PBK: variants seen among roughly 807,000 people sequenced by gnomAD.
PBK encodes lymphokine-activated killer T-cell-originated protein kinase.
Under a neutral mutation model 33.5 loss-of-function variants are expected in PBK, and 22 were observed. The observed-to-expected ratio is 0.66, with a 90% confidence interval of 0.47 to 0.94. The LOEUF is 0.94. Among genes scored for constraint, PBK ranks in the 40% least tolerant of loss-of-function variants. The pLI is 0.00. For missense variants in PBK, 376 were observed against 383.4 expected (o/e 0.98, Z 0.16); for synonymous variants, 129 against 123.8 (o/e 1.04, Z -0.28).
intron 2 of PBK, among the ~76,000 whole-genome samples, chr8:27,828,540 G>A (rs1806069625): frequency 1.3e-5 from 2 of 152,052 alleles, no homozygotes; most frequent in Non-Finnish European, 2.9e-5. Context: ...CGGGGCAGGA[G>A]GGTCACTTGA....
chr8:27,822,806 T>C (rs949835266), intron 4 of PBK, among the ~76,000 whole-genome samples: 1 of 152,192 alleles, frequency 6.6e-6, no homozygotes, highest in Non-Finnish European at 1.5e-5. Context: ...TAAATGAAGA[T>C]CATTTTATAT....
chr8:27,811,550 T>C (rs1805684530), intron 6 of PBK, among the ~76,000 whole-genome samples: 1 of 152,044 alleles, frequency 6.6e-6, no homozygotes, highest in South Asian at 2.1e-4. Flanking sequence ...TTTCTATGCT[T>C]CCATGATTGC....
intron 6 of PBK, among the ~76,000 whole-genome samples, chr8:27,819,193 G>A (rs1805873840): frequency 6.6e-6 from 1 of 152,036 alleles, no homozygotes; most frequent in Admixed American, 6.5e-5. Context: ...TCCTCAAAGA[G>A]GAACTTCAGA....
At chr8:27,822,009 C>T in intron 5 of PBK, among the ~76,000 whole-genome samples, 1 of 152,116 alleles carries the variant, frequency 6.6e-6, no homozygotes. Flanking sequence ...GAGAACTGGG[C>T]TATATATACC....
intron 6 of PBK, among the ~76,000 whole-genome samples, chr8:27,813,257 G>A (rs985567753): frequency 2.0e-5 from 3 of 152,070 alleles, no homozygotes; most frequent in Non-Finnish European, 4.4e-5. Context: ...TCATAGGTGG[G>A]AACTGAACAA....
Position 27,811,069 on chromosome 8 carries a change from TCTC to T in PBK, c.658_660del (p.Glu220del), listed in dbSNP as rs1585419314. ...TCTGCCTTGTCAGTAATAACACCAT[TCTC>T]CTCCACAGCTTCTTTGGGTTTCCAT... On this transcript the variant is annotated inframe_deletion, in exon 7 of 8. Coordinates refer to ENST00000301905, the MANE Select transcript of PBK (RefSeq NM_018492.4). The T allele has an allele frequency of 1.2e-6, 2 of 1,613,112 alleles. No homozygotes were observed. Among genetic ancestry groups the T allele is most frequent in the African/African-American group, 1.3e-5 (1 of 75,010 alleles).
intron 1 of PBK, among the ~76,000 whole-genome samples, chr8:27,833,711 C>T (rs993931094): frequency 5.8e-5 from 6 of 104,042 alleles, no homozygotes; most frequent in Non-Finnish European, 1.2e-4. Context: ...ATGCACTTAG[C>T]TAAAAAAAAA....
At position 27,811,032 on chromosome 8, in the gene PBK, A is replaced by G; in HGVS notation, c.698T>C (p.Phe233Ser). The G allele has an allele frequency of 6.2e-7, 1 of 1,613,180 alleles. No individual in the cohort carries two copies. Among genetic ancestry groups the G allele is most frequent in the Non-Finnish European group, 8.5e-7 (1 of 1,179,134 alleles). ...CATCATTTCCCACAAAGTAAGGCCA[A>G]AGGCAAATATGTCTGCCTTGTCAGT... ...VITDKADIFAFGLTLWEMMTL... is the reference protein window; with the variant it reads ...VITDKADIFASGLTLWEMMTL... Residue 233 changes from phenylalanine to serine, a missense_variant, in exon 7 of 8, where the codon TTT becomes TCT. Physicochemically the swap from Phe to Ser is radical, Grantham distance 155 (BLOSUM62 -2). Transcript: ENST00000301905.
intron 3 of PBK, among the ~76,000 whole-genome samples, chr8:27,825,785 T>C (rs1054186250): frequency 3.9e-5 from 6 of 152,118 alleles, no homozygotes; most frequent in Non-Finnish European, 8.8e-5. Context: ...CTCAATAGAA[T>C]TGTTGAAAGA....
intron 3 of PBK, among the ~76,000 whole-genome samples, chr8:27,824,332 T>G (rs1805987077): frequency 6.6e-6 from 1 of 152,138 alleles, no homozygotes; most frequent in South Asian, 2.1e-4. Context: ...TATTCTAATC[T>G]ATCGAATAAG....
intron 5 of PBK, 130 bp from the exon 6 acceptor site, chr8:27,820,824 ATTT>A (rs71553893): frequency 1.5e-4 from 58 of 385,368 alleles, no homozygotes; most frequent in Non-Finnish European, 1.8e-4. Context: ...GCGTTTCAAA[ATTT>A]TTTTTTTTTT....
chr8:27,816,543 A>AT (rs540837838), intron 6 of PBK, among the ~76,000 whole-genome samples: 185 of 151,224 alleles, frequency 1.2e-3, no homozygotes, highest in African/African-American at 4.3e-3. Flanking sequence ...CGCCTGGTTA[A>AT]TTTTTTGTAT....
chr8:27,815,871 C>A (rs1563489080), intron 6 of PBK, among the ~76,000 whole-genome samples: 4 of 152,106 alleles, frequency 2.6e-5, no homozygotes, highest in African/African-American at 9.7e-5. Context: ...GGGTTTGCTC[C>A]CTGTGAAGAT....
At chr8:27,816,284 T>C (rs1397911448) in intron 6 of PBK, among the ~76,000 whole-genome samples, 1 of 151,416 alleles carries the variant, frequency 6.6e-6, no homozygotes, top group Non-Finnish European at 1.5e-5. Flanking sequence ...GTATATAGTA[T>C]TAATATTTGC....
rs551332786 is a variant in PBK at position 27,818,413 on chromosome 8, C to T, written c.595+2152G>A. ...AGGATATTTCAGTGGACAAGATATA[C>T]AAGGTTCCCTTCTTAGAGCTTACAA... On this transcript the variant is annotated intron_variant, in intron 6 of 7. Coordinates refer to ENST00000301905, the MANE Select transcript of PBK (RefSeq NM_018492.4). Among the ~76,000 whole-genome samples, 4 of 152,298 alleles carry T rather than the reference C, an allele frequency of 2.6e-5. No individual in the cohort carries two copies. The South Asian group carries it at 8.3e-4, about 32-fold the overall frequency.
chr8:27,822,987 C>A, intron 4 of PBK, 76 bp downstream of exon 4: 1 of 884,764 alleles, frequency 1.1e-6, no homozygotes, highest in Non-Finnish European at 1.8e-6. Context: ...TTAGTGAAAC[C>A]AGTTAAGAGA....
chr8:27,810,288 T>G lies in PBK; in HGVS notation c.*17A>C, dbSNP rs1805646010. Reference sequence around the variant, plus strand: ...AAACAGTTATTTACGCAAGCCACACTTCAGCTGAGATGATCACTAGACATC... The same window carrying G: ...AAACAGTTATTTACGCAAGCCACACGTCAGCTGAGATGATCACTAGACATC... On this transcript the variant is annotated 3_prime_UTR_variant, in exon 8 of 8. Coordinates refer to ENST00000301905, the MANE Select transcript of PBK (RefSeq NM_018492.4). 1 of 1,570,858 alleles carries G rather than the reference T, an allele frequency of 6.4e-7. No individual in the cohort carries two copies. Among genetic ancestry groups the G allele is most frequent in the Non-Finnish European group, 8.8e-7 (1 of 1,142,554 alleles).
intron 3 of PBK, among the ~76,000 whole-genome samples, chr8:27,826,668 C>T (rs1211666754): frequency 1.4e-5 from 2 of 141,158 alleles, no homozygotes; most frequent in Non-Finnish European, 3.0e-5. Context: ...TGGTGGCGGG[C>T]GCCTGTAGTC....
intron 3 of PBK, among the ~76,000 whole-genome samples, chr8:27,824,414 G>A (rs1353889398): frequency 6.6e-6 from 1 of 151,756 alleles, no homozygotes; most frequent in Non-Finnish European, 1.5e-5. Flanking sequence ...TAGAAAAAAG[G>A]CAAATTTCTG....
Sources: gnomAD v4.1 joint callset for allele counts (sites outside exome capture counted in the v4.1 genomes callset) on GRCh38, gnomAD v4.1.1 for gene constraint, MANE v1.5 for transcripts, NCBI Gene and HGNC (gene_info 2026-07-23, HGNC 2026-07-21) for gene names.